PDE4B: variants seen among roughly 807,000 people sequenced by gnomAD.
The protein encoded by PDE4B is 3',5'-cyclic-AMP phosphodiesterase 4B.
A neutral mutation model predicts 82.2 loss-of-function variants in PDE4B; 20 were observed. The ratio of observed to expected loss-of-function variants is 0.24; its 90% confidence interval spans 0.17 to 0.35. The LOEUF (loss-of-function observed/expected upper bound fraction) is 0.35, where lower values mean the gene tolerates loss of function less well. Ranked by LOEUF, PDE4B falls within the 10% of genes least tolerant of loss-of-function variation. The pLI is 1.00. For missense variants in PDE4B, 655 were observed against 907.2 expected (o/e 0.72, Z 3.57); for synonymous variants, 320 against 318.9 (o/e 1.00, Z -0.04).
At position 66,087,823 on chromosome 1, in the gene PDE4B, A is replaced by T. The variant is rs927363717; in HGVS notation, c.282-159637A>T. ...CAAAGGTGGGAATTAAACAATGAGAACACATGGACACAGGAAGGGGAACAT... is the reference window on the plus strand; with the variant it reads ...CAAAGGTGGGAATTAAACAATGAGATCACATGGACACAGGAAGGGGAACAT... On this transcript the variant is annotated intron_variant, in intron 3 of 16. Coordinates refer to ENST00000341517, the MANE Select transcript of PDE4B (RefSeq NM_002600.4). 6.3e-3 allele frequency among the ~76,000 whole-genome samples: 868 copies of T among 138,576 alleles called. 1 individual carries two copies. The highest frequency in any genetic ancestry group is 0.012 in the Middle Eastern group (3 of 258). 90.9% of individuals were successfully genotyped at this position (138,576 alleles called of 152,430 possible).
chr1:65,968,375 A>G (rs1357061950), intron 3 of PDE4B, among the ~76,000 whole-genome samples: 2 of 152,118 alleles, frequency 1.3e-5, no homozygotes, highest in African/African-American at 2.4e-5. Context: ...TCTTCTCTGT[A>G]TGTCAGGCAT....
intron 3 of PDE4B, among the ~76,000 whole-genome samples, chr1:66,183,377 G>A (rs918510611): frequency 1.3e-5 from 2 of 152,152 alleles, no homozygotes; most frequent in Non-Finnish European, 1.5e-5. Flanking sequence ...GGATACAGCT[G>A]AGCATTAATG....
intron 3 of PDE4B, among the ~76,000 whole-genome samples, chr1:65,979,333 T>C (rs569491767): frequency 6.6e-6 from 1 of 152,344 alleles, no homozygotes; most frequent in African/African-American, 2.4e-5. Context: ...AATCATTCCT[T>C]GGTACACAGT....
intron 1 of PDE4B, among the ~76,000 whole-genome samples, chr1:65,880,801 G>T (rs1421789851): frequency 2.0e-5 from 3 of 152,100 alleles, no homozygotes; most frequent in Non-Finnish European, 4.4e-5. Context: ...GTGCTCCCTT[G>T]ATCTTTGGAC....
chr1:65,943,630 T>C (rs961278147), intron 3 of PDE4B, among the ~76,000 whole-genome samples: 3 of 152,018 alleles, frequency 2.0e-5, no homozygotes, highest in African/African-American at 4.8e-5. Flanking sequence ...TTCAAAGCCA[T>C]GAACATAGAT....
chr1:66,277,309 A>T (rs1383491164), intron 7 of PDE4B, among the ~76,000 whole-genome samples: 2 of 152,202 alleles, frequency 1.3e-5, no homozygotes, highest in Non-Finnish European at 2.9e-5. Flanking sequence ...CTGCAAATTC[A>T]GTTGGGAGCC....
chr1:66,007,081 C>G (rs929635224), intron 3 of PDE4B, among the ~76,000 whole-genome samples: 4 of 152,072 alleles, frequency 2.6e-5, no homozygotes, highest in Non-Finnish European at 5.9e-5. Flanking sequence ...TTAGTGAGCC[C>G]TGATTGCATC....
chr1:65,991,634 T>C (rs1014078232), intron 3 of PDE4B, among the ~76,000 whole-genome samples: 5 of 152,168 alleles, frequency 3.3e-5, no homozygotes. Flanking sequence ...CTTCCTCATA[T>C]GCCTTTTAAA....
chr1:66,171,621 C>T (rs1205043688), intron 3 of PDE4B, among the ~76,000 whole-genome samples: 3 of 152,124 alleles, frequency 2.0e-5, no homozygotes, highest in Non-Finnish European at 4.4e-5. Flanking sequence ...GTGAAACAAA[C>T]ACTGCCTAGA....
intron 3 of PDE4B, among the ~76,000 whole-genome samples, chr1:66,184,607 TACTC>T (rs1234094441): frequency 6.6e-6 from 1 of 152,178 alleles, no homozygotes; most frequent in African/African-American, 2.4e-5. Context: ...AAAGTGCACT[TACTC>T]TATGAATTTA....
At chr1:66,252,409 A>T (rs1557660498) in intron 4 of PDE4B, among the ~76,000 whole-genome samples, 1 of 152,186 alleles carries the variant, frequency 6.6e-6, no homozygotes, top group Non-Finnish European at 1.5e-5. Flanking sequence ...CTAAGTTGAA[A>T]ATGCATTTAA....
chr1:66,100,682 A>G (rs1645203844), intron 3 of PDE4B, among the ~76,000 whole-genome samples: 1 of 152,114 alleles, frequency 6.6e-6, no homozygotes, highest in Admixed American at 6.6e-5. Context: ...TGTGGAGGTT[A>G]ACTGCACATC....
At chr1:66,166,788 G>C (rs1455311900) in intron 3 of PDE4B, among the ~76,000 whole-genome samples, 1 of 150,344 alleles carries the variant, frequency 6.7e-6, no homozygotes, top group Non-Finnish European at 1.5e-5. Flanking sequence ...GAAAATATTT[G>C]TTAATCATGT....
intron 7 of PDE4B, among the ~76,000 whole-genome samples, chr1:66,315,099 C>T (rs2101877094): frequency 6.6e-6 from 1 of 152,326 alleles, no homozygotes; most frequent in East Asian, 1.9e-4. Context: ...ATTCTCTTCC[C>T]ACTTGTTCTG....
At chr1:66,207,754 A>G (rs1042828059) in intron 3 of PDE4B, among the ~76,000 whole-genome samples, 4 of 152,206 alleles carry the variant, frequency 2.6e-5, no homozygotes, top group African/African-American at 9.6e-5. Flanking sequence ...CTGTTCTCTA[A>G]GCCTCACACA....
At chr1:65,926,186 A>T (rs1209443836) in intron 3 of PDE4B, among the ~76,000 whole-genome samples, 1 of 152,190 alleles carries the variant, frequency 6.6e-6, no homozygotes, top group Non-Finnish European at 1.5e-5. Context: ...GACGTCCATT[A>T]TGCACCTTTG....
intron 4 of PDE4B, 116 bp downstream of exon 4, chr1:66,247,770 G>T (rs779612354): frequency 1.3e-5 from 10 of 758,216 alleles, no homozygotes; most frequent in Non-Finnish European, 2.1e-5. Context: ...GGAAGAAAAT[G>T]AATATGAGCA....
At chr1:66,146,363 T>C (rs1454093332) in intron 3 of PDE4B, among the ~76,000 whole-genome samples, 1 of 151,932 alleles carries the variant, frequency 6.6e-6, no homozygotes, top group African/African-American at 2.4e-5. Flanking sequence ...TTTTGTATTT[T>C]TAGTGGAGAT....
At chr1:65,887,198 C>CTT (rs1646790192) in intron 1 of PDE4B, among the ~76,000 whole-genome samples, 1 of 10,702 alleles carries the variant, frequency 9.3e-5, no homozygotes, top group African/African-American at 4.6e-4. Context: ...TTCTTTCTTT[C>CTT]TTTCTTTCTT....
Sources: gnomAD v4.1 joint callset for allele counts (sites outside exome capture counted in the v4.1 genomes callset) on GRCh38, gnomAD v4.1.1 for gene constraint, MANE v1.5 for transcripts, NCBI Gene and HGNC (gene_info 2026-07-23, HGNC 2026-07-21) for gene names.